SECISBP2L: variants seen among roughly 807,000 people sequenced by gnomAD.
The protein encoded by SECISBP2L is SECIS binding protein 2 like.
SECISBP2L carries 43 observed loss-of-function variants against 114.7 expected under a neutral mutation model. The ratio of observed to expected loss-of-function variants is 0.38; its 90% CI spans 0.29 to 0.48. The LOEUF (loss-of-function observed/expected upper bound fraction) is 0.48. Ranked by LOEUF, SECISBP2L falls within the 20% of genes least tolerant of loss-of-function variation. The pLI is 0.98. For synonymous variants in SECISBP2L, 451 were observed against 439.7 expected, an observed-to-expected ratio of 1.03 and a Z score of -0.32; for missense variants, 1,136 against 1,301.1, an observed-to-expected ratio of 0.87 and a Z score of 1.95.
intron 11 of SECISBP2L, 73 bp from the exon 12 acceptor site, chr15:49,012,890 C>A: frequency 6.9e-7 from 1 of 1,458,026 alleles, no homozygotes; most frequent in South Asian, 1.3e-5. Flanking sequence ...CCAATAACTA[C>A]AAAAACAAGA....
chr15:49,025,104 A>C (rs878994326), intron 7 of SECISBP2L, among the ~76,000 whole-genome samples: 1 of 152,234 alleles, frequency 6.6e-6, no homozygotes. Context: ...ATTAGGTAGA[A>C]TTCATTTATC....
At chr15:48,996,104 A>G (rs1307924125) in intron 17 of SECISBP2L, 1 of 400,876 alleles carries the variant, frequency 2.5e-6, no homozygotes. Flanking sequence ...ATAGGTCACA[A>G]GTATGGTGTG....
intron 11 of SECISBP2L, among the ~76,000 whole-genome samples, chr15:49,015,731 C>T (rs960923346): frequency 1.3e-5 from 2 of 152,198 alleles, no homozygotes; most frequent in African/African-American, 2.4e-5. Context: ...TATACACACA[C>T]ACACAATCTG....
In SECISBP2L at chr15:49,012,827, A is replaced by G. The variant is rs778952366; in HGVS notation, c.1562-10T>C. 6.2e-7 allele frequency: 1 copy of G among 1,600,612 alleles called. No homozygotes were observed. Among genetic ancestry groups the G allele is most frequent in the South Asian group, 1.1e-5 (1 of 87,912 alleles). On this transcript the variant is annotated splice_polypyrimidine_tract_variant and intron_variant, in intron 11 of 17. Coordinates refer to ENST00000559471, the MANE Select transcript of SECISBP2L (RefSeq NM_001193489.2). The stretch of plus-strand genomic sequence containing the variant: ...GAAGCTGCAGTAACCACTAAAAACA[A>G]AGAGGAACATTAGTTTCACCATTAG...
intron 14 of SECISBP2L, among the ~76,000 whole-genome samples, chr15:49,002,316 ATTTG>A (rs1291015653): frequency 2.0e-5 from 3 of 152,182 alleles, no homozygotes; most frequent in East Asian, 3.9e-4. Flanking sequence ...TTTCTTATAA[ATTTG>A]TTTAAGTTCT....
intron 1 of SECISBP2L, among the ~76,000 whole-genome samples, chr15:49,038,053 T>G (rs8025570): frequency 0.83 from 126,856 of 152,118 alleles, 54,206 homozygotes; most frequent in East Asian, 0.94. Context: ...ATACCTCAGG[T>G]TCTAAAAATA....
intron 1 of SECISBP2L, among the ~76,000 whole-genome samples, chr15:49,044,029 A>G (rs1903193698): frequency 6.6e-6 from 1 of 152,158 alleles, no homozygotes; most frequent in Non-Finnish European, 1.5e-5. Context: ...TAAAATGCAG[A>G]AAGTCTATAT....
intron 1 of SECISBP2L, among the ~76,000 whole-genome samples, chr15:49,040,997 T>A (rs1322113274): frequency 6.6e-6 from 1 of 152,080 alleles, no homozygotes; most frequent in Non-Finnish European, 1.5e-5. Context: ...CTAGACTAGA[T>A]ACATTATAGA....
At chr15:49,003,473 A>G (rs1566853255) in intron 14 of SECISBP2L, among the ~76,000 whole-genome samples, 1 of 152,128 alleles carries the variant, frequency 6.6e-6, no homozygotes. Context: ...TTCCAACACT[A>G]TGTTGAATAG....
intron 13 of SECISBP2L, among the ~76,000 whole-genome samples, chr15:49,010,815 G>A (rs952441131): frequency 6.6e-6 from 1 of 152,168 alleles, no homozygotes; most frequent in South Asian, 2.1e-4. Context: ...CCCAGCCCAC[G>A]TGTATCTTCT....
chr15:49,016,752 G>A (rs754028625), intron 10 of SECISBP2L, 51 bp from the exon 11 acceptor site: 4 of 1,518,528 alleles, frequency 2.6e-6, no homozygotes, highest in Non-Finnish European at 3.5e-6. Flanking sequence ...ACGAAACTGT[G>A]GCATTTTAAG....
At chr15:49,011,642 A>G (rs1006153130) in intron 13 of SECISBP2L, 89 bp downstream of exon 13, 1 of 1,442,954 alleles carries the variant, frequency 6.9e-7, no homozygotes, top group East Asian at 2.3e-5. Context: ...ACGTCTTCCA[A>G]TCAGGAGCAT....
intron 3 of SECISBP2L, among the ~76,000 whole-genome samples, chr15:49,033,341 G>T (rs1902937262): frequency 6.6e-6 from 1 of 152,028 alleles, no homozygotes; most frequent in African/African-American, 2.4e-5. Context: ...ATTAACACAA[G>T]TATGATTAAT....
At chr15:49,003,289 G>A (rs1902248085) in intron 14 of SECISBP2L, among the ~76,000 whole-genome samples, 1 of 152,194 alleles carries the variant, frequency 6.6e-6, no homozygotes, top group Non-Finnish European at 1.5e-5. Context: ...CATTGATTTT[G>A]TAGCCTGAGA....
chr15:49,009,157 T>G, intron 14 of SECISBP2L, 59 bp downstream of exon 14: 1 of 1,542,434 alleles, frequency 6.5e-7, no homozygotes, highest in South Asian at 1.2e-5. Flanking sequence ...AATACTAAAT[T>G]CAGAACTACA....
Position 48,990,805 on chromosome 15 carries a change from G to GT in SECISBP2L, c.*1438dup, listed in dbSNP as rs2141055635. ...GTTTTGTGCCTGCTTATGGAAGCTT[G>GT]TAAGTGGAAAACACACACACGTACG... On this transcript the variant is annotated 3_prime_UTR_variant, in exon 18 of 18. Transcript: ENST00000559471. 7.6e-6 allele frequency: 1 copy of GT among 131,984 alleles called. No individual in the cohort carries two copies. The highest frequency in any genetic ancestry group is 8.9e-5 in the Admixed American group (1 of 11,248). 8.2% of individuals were successfully genotyped at this position (131,984 alleles called of 1,614,324 possible). A position where few individuals can be genotyped will look rare whatever the true frequency, so the allele number is the denominator to read the frequency against.
intron 16 of SECISBP2L, among the ~76,000 whole-genome samples, chr15:48,997,464 T>C (rs1902118182): frequency 6.6e-6 from 1 of 152,182 alleles, no homozygotes; most frequent in African/African-American, 2.4e-5. Context: ...AATATAGAGC[T>C]TGGAAGTAGA....
chr15:49,043,112 ATAT>A (rs1903175586), intron 1 of SECISBP2L, among the ~76,000 whole-genome samples: 3 of 152,184 alleles, frequency 2.0e-5, no homozygotes, highest in Non-Finnish European at 4.4e-5. Flanking sequence ...TATTATGAAC[ATAT>A]TATTTTTTAA....
chr15:49,016,457 T>C (rs745662746), intron 11 of SECISBP2L, 103 bp downstream of exon 11: 42 of 993,710 alleles, frequency 4.2e-5, no homozygotes, highest in Admixed American at 1.5e-4. Context: ...CACACACACA[T>C]ATATATACAC....
Sources: gnomAD v4.1 joint callset for allele counts (sites outside exome capture counted in the v4.1 genomes callset) on GRCh38, gnomAD v4.1.1 for gene constraint, MANE v1.5 for transcripts, NCBI Gene and HGNC (gene_info 2026-07-23, HGNC 2026-07-21) for gene names.